Variants in FOXN3 observed in about 807,000 individuals in gnomAD.
FOXN3 encodes the protein forkhead box N3, also known as forkhead box protein N3.
FOXN3 carries 7 observed loss-of-function variants against 38.4 expected under a neutral mutation model. The ratio of observed to expected loss-of-function variants is 0.18; its 90% CI spans 0.10 to 0.34. The LOEUF is 0.34. Ranked by LOEUF, FOXN3 falls within the 10% of genes least tolerant of loss-of-function variation. The pLI, the probability that FOXN3 is intolerant of heterozygous loss-of-function variation, is 1.00. For missense variants in FOXN3, 456 were observed against 613.4 expected (o/e 0.74, Z 2.71); for synonymous variants, 230 against 242.2 (o/e 0.95, Z 0.47).
chr14:89,377,618 G>C (rs1193672567), intron 2 of FOXN3, among the ~76,000 whole-genome samples: 1 of 152,170 alleles, frequency 6.6e-6, no homozygotes, highest in Non-Finnish European at 1.5e-5. Flanking sequence ...CTGCATGTTT[G>C]AATTTTCTCA....
intron 3 of FOXN3, among the ~76,000 whole-genome samples, chr14:89,341,887 G>A (rs559689137): frequency 3.3e-4 from 50 of 152,262 alleles, no homozygotes; most frequent in South Asian, 6.2e-4. Context: ...CGATGCCTAA[G>A]GCGTCGCTGT....
intron 1 of FOXN3, among the ~76,000 whole-genome samples, chr14:89,496,795 C>G (rs774483156): frequency 4.6e-5 from 7 of 152,172 alleles, no homozygotes; most frequent in African/African-American, 1.7e-4. Flanking sequence ...TCCATTCCCC[C>G]GACCCCAGCC....
At chr14:89,469,210 G>T (rs999413296) in intron 1 of FOXN3, among the ~76,000 whole-genome samples, 3 of 152,166 alleles carry the variant, frequency 2.0e-5, no homozygotes, top group Non-Finnish European at 2.9e-5. Flanking sequence ...CAAGCCTGAG[G>T]TCAGAACACC....
At chr14:89,180,452 A>C (rs896057639) in intron 5 of FOXN3, among the ~76,000 whole-genome samples, 1 of 152,112 alleles carries the variant, frequency 6.6e-6, no homozygotes, top group African/African-American at 2.4e-5. Flanking sequence ...TCTTAGAATA[A>C]AAAACTTAAC....
chr14:89,332,898 C>G (rs535027748), intron 3 of FOXN3, among the ~76,000 whole-genome samples: 1 of 152,122 alleles, frequency 6.6e-6, no homozygotes, highest in East Asian at 1.9e-4. Flanking sequence ...CCACAAATAA[C>G]CCAGTTTAAA....
chr14:89,480,322 C>T (rs935696437), intron 1 of FOXN3, among the ~76,000 whole-genome samples: 1 of 151,816 alleles, frequency 6.6e-6, no homozygotes, highest in Non-Finnish European at 1.5e-5. Context: ...AGAATCACTT[C>T]AACTCGGGAG....
chr14:89,242,877 G>C (rs891296694), intron 4 of FOXN3, among the ~76,000 whole-genome samples: 1 of 152,214 alleles, frequency 6.6e-6, no homozygotes, highest in African/African-American at 2.4e-5. Flanking sequence ...TCGTGAAAGA[G>C]CTATTTTTAA....
intron 4 of FOXN3, among the ~76,000 whole-genome samples, chr14:89,192,105 A>AT (rs1309701856): frequency 6.8e-6 from 1 of 146,478 alleles, no homozygotes; most frequent in African/African-American, 2.5e-5. Flanking sequence ...TACAGTTTAT[A>AT]TATTTGGCAA....
At chr14:89,496,915 A>G (rs1893696136) in intron 1 of FOXN3, among the ~76,000 whole-genome samples, 1 of 152,176 alleles carries the variant, frequency 6.6e-6, no homozygotes, top group Non-Finnish European at 1.5e-5. Context: ...CACTCAGTGT[A>G]ATGTCCTCCA....
At chr14:89,280,617 G>A (rs1017965071) in intron 4 of FOXN3, among the ~76,000 whole-genome samples, 1 of 152,156 alleles carries the variant, frequency 6.6e-6, no homozygotes, top group African/African-American at 2.4e-5. Flanking sequence ...TATCAGCCTA[G>A]TTTATGTTTC....
At chr14:89,516,859 AG>A (rs1894216073) in intron 1 of FOXN3, among the ~76,000 whole-genome samples, 2 of 152,220 alleles carry the variant, frequency 1.3e-5, no homozygotes, top group East Asian at 3.9e-4. Context: ...CATTGGATCT[AG>A]CCCCAGTAGC....
At chr14:89,276,256 G>A (rs1379923715) in intron 4 of FOXN3, among the ~76,000 whole-genome samples, 1 of 152,114 alleles carries the variant, frequency 6.6e-6, no homozygotes, top group Admixed American at 6.6e-5. Flanking sequence ...CACCAGCCTG[G>A]GCGACAAGAG....
intron 1 of FOXN3, among the ~76,000 whole-genome samples, chr14:89,414,708 C>T (rs1421382277): frequency 6.6e-6 from 1 of 152,156 alleles, no homozygotes; most frequent in Middle Eastern, 3.2e-3. Flanking sequence ...CGTGTGCCAC[C>T]ATGACTGGTT....
At position 89,157,679 on chromosome 14, in the gene FOXN3, G is replaced by C. The variant is rs1756194709; in HGVS notation, c.*4735C>G. On this transcript the variant is annotated 3_prime_UTR_variant, in exon 6 of 6. Transcript: ENST00000557258. ...TATAAACCAAGTCCAGAGTTTGGCA[G>C]GTAACTAAAAGAGGGTTATCACTTA... The C allele has an allele frequency of 6.6e-6, 1 of 152,610 alleles. No homozygotes were observed. The highest frequency in any genetic ancestry group is 1.5e-5 in the Non-Finnish European group (1 of 68,052). The allele number at this position is 152,610 out of a possible 1,614,324, so 9.5% of individuals were successfully genotyped here.
chr14:89,464,883 A>G (rs1443036295), intron 1 of FOXN3, among the ~76,000 whole-genome samples: 1 of 151,994 alleles, frequency 6.6e-6, no homozygotes, highest in Admixed American at 6.6e-5. Context: ...CTTTTGGTAG[A>G]GATTGAGTTT....
chr14:89,597,523 C>G (rs993445040), intron 1 of FOXN3, among the ~76,000 whole-genome samples: 1 of 152,098 alleles, frequency 6.6e-6, no homozygotes, highest in Non-Finnish European at 1.5e-5. Flanking sequence ...TATTTTGTCT[C>G]TAGATTGTAC....
At chr14:89,577,582 G>A (rs1895660724) in intron 1 of FOXN3, 1 of 152,004 alleles carries the variant, frequency 6.6e-6, no homozygotes, top group East Asian at 1.9e-4. Flanking sequence ...GCAATCACGG[G>A]GAATTTCTAA....
chr14:89,547,540 G>C (rs1040158015), intron 1 of FOXN3, among the ~76,000 whole-genome samples: 8 of 151,980 alleles, frequency 5.3e-5, no homozygotes, highest in African/African-American at 1.9e-4. Flanking sequence ...TCAAGCAATT[G>C]TTAATTGTTG....
intron 1 of FOXN3, among the ~76,000 whole-genome samples, chr14:89,452,951 C>G (rs1197134215): frequency 6.6e-6 from 1 of 152,180 alleles, no homozygotes; most frequent in African/African-American, 2.4e-5. Context: ...GTAATCCCAG[C>G]ACTTTGGAAG....
Sources: gnomAD v4.1 joint callset for allele counts (sites outside exome capture counted in the v4.1 genomes callset) on GRCh38, gnomAD v4.1.1 for gene constraint, MANE v1.5 for transcripts, NCBI Gene and HGNC (gene_info 2026-07-23, HGNC 2026-07-21) for gene names.